PCDHGB3: variants seen among roughly 807,000 people sequenced by gnomAD.
The protein encoded by PCDHGB3 is protocadherin gamma subfamily B, 3.
A neutral mutation model predicts 59.2 loss-of-function variants in PCDHGB3; 40 were observed. That is an observed-to-expected ratio of 0.68 (90% CI 0.52 to 0.88). PCDHGB3 has a LOEUF of 0.88. PCDHGB3 is among the 40% of genes least tolerant of loss of function. The pLI is 0.00. For missense variants in PCDHGB3, 1,309 were observed against 1,187.9 expected (o/e 1.10, Z -1.50); for synonymous variants, 581 against 503.6 (o/e 1.15, Z -2.06).
At chr5:141,510,304 A>G (rs1030803209) in intron 3 of PCDHGB3, among the ~76,000 whole-genome samples, 1 of 151,732 alleles carries the variant, frequency 6.6e-6, no homozygotes, top group Non-Finnish European at 1.5e-5. Context: ...CTGTTTTGAA[A>G]TGGAGGCTTG....
intron 1 of PCDHGB3, among the ~76,000 whole-genome samples, chr5:141,457,694 C>G (rs891323419): frequency 6.6e-6 from 1 of 152,214 alleles, no homozygotes; most frequent in Non-Finnish European, 1.5e-5. Flanking sequence ...TTTGGATTGG[C>G]TTTGATGAAA....
At chr5:141,421,512 G>A in intron 1 of PCDHGB3, 1 of 1,614,094 alleles carries the variant, frequency 6.2e-7, no homozygotes, top group Non-Finnish European at 8.5e-7. Flanking sequence ...ACCGGGAGGA[G>A]CTCTGTGAGA....
intron 1 of PCDHGB3, chr5:141,392,843 C>T (rs77141792): frequency 0.027 from 43,247 of 1,608,962 alleles, 854 homozygotes; most frequent in African/African-American, 0.093. Context: ...GCCCCAGACG[C>T]GGCGAGCTGA....
At chr5:141,473,169 C>T (rs141382764) in intron 1 of PCDHGB3, among the ~76,000 whole-genome samples, 2 of 152,286 alleles carry the variant, frequency 1.3e-5, no homozygotes, top group East Asian at 3.9e-4. Context: ...GGAAGGCCCA[C>T]TGGTAACTTG....
chr5:141,502,535 G>A (rs910160644), intron 2 of PCDHGB3, among the ~76,000 whole-genome samples: 14 of 152,172 alleles, frequency 9.2e-5, no homozygotes, highest in South Asian at 2.1e-4. Flanking sequence ...GAGTTTGTTC[G>A]TGTGGTAAAA....
At chr5:141,414,088 A>G in intron 1 of PCDHGB3, 3 of 1,599,384 alleles carry the variant, frequency 1.9e-6, no homozygotes, top group Non-Finnish European at 8.5e-7. Context: ...TACTGGAGAA[A>G]TAAAAATATC....
chr5:141,387,840 C>A, intron 1 of PCDHGB3: 1 of 1,597,864 alleles, frequency 6.3e-7, no homozygotes, highest in African/African-American at 1.3e-5. Context: ...TTATTTGTAA[C>A]CCGGCGTCTC....
intron 1 of PCDHGB3, chr5:141,393,383 A>G: frequency 6.2e-7 from 1 of 1,614,000 alleles, no homozygotes; most frequent in Non-Finnish European, 8.5e-7. Flanking sequence ...ATGGAGCCAT[A>G]AACCCAGAGC....
chr5:141,499,037 G>A (rs912832519), intron 2 of PCDHGB3, among the ~76,000 whole-genome samples: 1 of 150,904 alleles, frequency 6.6e-6, no homozygotes, highest in South Asian at 2.1e-4. Context: ...AGAAAAGAAA[G>A]AAAAAGGGAG....
At chr5:141,508,124 G>C (rs1248096612) in intron 3 of PCDHGB3, 1 of 152,640 alleles carries the variant, frequency 6.6e-6, no homozygotes, top group Non-Finnish European at 1.5e-5. Flanking sequence ...AGGACAGAGG[G>C]AGGTCAGGGA....
At chr5:141,475,803 G>T in intron 1 of PCDHGB3, 1 of 319,920 alleles carries the variant, frequency 3.1e-6, no homozygotes, top group Non-Finnish European at 5.7e-6. Flanking sequence ...GAAGCCAAAG[G>T]AAAGTGAAGT....
chr5:141,371,081 G>A lies in PCDHGB3; in HGVS notation c.687G>A (p.Arg229=). Residue 229 remains arginine (R), a synonymous_variant, in exon 1 of 4, where the codon AGG becomes AGA. Coordinates refer to ENST00000576222, the MANE Select transcript of PCDHGB3 (RefSeq NM_018924.5). ...EPSRSCTTQI[R]VIVADANDNP... ...CCAGAAGCTGTACCACCCAGATCAG[G>A]GTAATTGTCGCAGATGCAAATGATA... 6.2e-7 allele frequency: 1 copy of A among 1,613,852 alleles called. No individual in the cohort carries two copies. Among genetic ancestry groups the A allele is most frequent in the Non-Finnish European group, 8.5e-7 (1 of 1,179,798 alleles).
intron 1 of PCDHGB3, among the ~76,000 whole-genome samples, chr5:141,429,706 T>G (rs191069331): frequency 7.6e-4 from 116 of 152,354 alleles, no homozygotes; most frequent in African/African-American, 2.5e-3. Flanking sequence ...ACAGTATAAA[T>G]ATTTACGCTC....
intron 1 of PCDHGB3, among the ~76,000 whole-genome samples, chr5:141,456,935 C>T (rs894385178): frequency 5.9e-5 from 9 of 152,178 alleles, no homozygotes; most frequent in African/African-American, 2.2e-4. Context: ...TGCACTCCAG[C>T]CTGGGCAACA....
chr5:141,375,800 A>C, intron 1 of PCDHGB3: 1 of 1,614,162 alleles, frequency 6.2e-7, no homozygotes, highest in Non-Finnish European at 8.5e-7. Context: ...AGACGGTTCC[A>C]CTGGCGTGGA....
At chr5:141,467,571 A>G (rs1228156610) in intron 1 of PCDHGB3, among the ~76,000 whole-genome samples, 1 of 152,212 alleles carries the variant, frequency 6.6e-6, no homozygotes, top group South Asian at 2.1e-4. Flanking sequence ...ATGGCTATCC[A>G]GTTGTCCCAA....
intron 1 of PCDHGB3, chr5:141,404,006 C>A: frequency 6.2e-7 from 1 of 1,613,804 alleles, no homozygotes; most frequent in Non-Finnish European, 8.5e-7. Context: ...CATTACATCT[C>A]TGTTTAGCCC....
rs371821042 is a variant in PCDHGB3, at chr5:141,421,764, T to C, written c.2415+48955T>C. The C allele has an allele frequency of 8.7e-6, 14 of 1,613,782 alleles. No individual in the cohort carries two copies. The African/African-American group carries it at 1.5e-4, about 17-fold the overall frequency. ...ACCAGCTCAGCCCTAATAATTACTT[T>C]TCCTTGCAACTGCGGGGCAGAACGG... On this transcript the variant is annotated intron_variant, in intron 1 of 3. Transcript: ENST00000576222.
intron 1 of PCDHGB3, chr5:141,402,863 A>C: frequency 1.2e-5 from 17 of 1,429,924 alleles, no homozygotes; most frequent in Non-Finnish European, 1.6e-5. Flanking sequence ...TCTAAGGAAA[A>C]GATCACCATA....
Sources: gnomAD v4.1 joint callset for allele counts (sites outside exome capture counted in the v4.1 genomes callset) on GRCh38, gnomAD v4.1.1 for gene constraint, MANE v1.5 for transcripts, NCBI Gene and HGNC (gene_info 2026-07-23, HGNC 2026-07-21) for gene names.